RNLS: variants seen among roughly 807,000 people sequenced by gnomAD.
RNLS encodes the protein renalase, FAD dependent amine oxidase, also known as renalase.
Under a neutral mutation model 39.8 loss-of-function variants are expected in RNLS, and 39 were observed. That is an observed-to-expected ratio of 0.98 (90% CI 0.76 to 1.28). RNLS has a LOEUF of 1.28. Among genes scored for constraint, RNLS ranks in the 50% most tolerant of loss-of-function variants. The pLI, the probability that RNLS is intolerant of heterozygous loss-of-function variation, is 0.00. For synonymous variants in RNLS, 147 were observed against 150.7 expected (o/e 0.98, Z 0.18); for missense variants, 410 against 413.3 (o/e 0.99, Z 0.07).
At chr10:88,517,303 T>TA (rs1292944175) in intron 4 of RNLS, among the ~76,000 whole-genome samples, 1 of 151,942 alleles carries the variant, frequency 6.6e-6, no homozygotes, top group Non-Finnish European at 1.5e-5. Context: ...TTTCATTTTT[T>TA]ACCACATACT....
Position 88,469,946 on chromosome 10 carries a change from A to G in RNLS, c.526+102957T>C, listed in dbSNP as rs1843426650. On this transcript the variant is annotated intron_variant, in intron 4 of 6. Transcript: ENST00000331772. ...TATATACAAAGTATATGTATATAGTATCTTATACATATACATATGTATATC... is the reference window on the plus strand; with the variant it reads ...TATATACAAAGTATATGTATATAGTGTCTTATACATATACATATGTATATC... Among the ~76,000 whole-genome samples the G allele has an allele frequency of 2.6e-5, 4 of 151,492 alleles. No individual in the cohort carries two copies. The Admixed American group carries it at 2.6e-4, about 10-fold the overall frequency.
At position 88,506,136 on chromosome 10, in the gene RNLS, T is replaced by G. The variant is rs1411744913; in HGVS notation, c.526+66767A>C. Among the ~76,000 whole-genome samples, 3 of 152,076 alleles carry G rather than the reference T, an allele frequency of 2.0e-5. 1 individual carries two copies. Among genetic ancestry groups the G allele is most frequent in the Non-Finnish European group, 4.4e-5 (3 of 68,000 alleles). On this transcript the variant is annotated intron_variant, in intron 4 of 6. Transcript: ENST00000331772. The stretch of plus-strand genomic sequence containing the variant: ...AGGAAACAGTGAGACAAATCCAGAC[T>G]TTCATATATATTCTACTGACCTGAA...
chr10:88,247,847 T>C, the RNLS span, among the ~76,000 whole-genome samples: 1 of 152,154 alleles, frequency 6.6e-6, no homozygotes, highest in Non-Finnish European at 1.5e-5. Flanking sequence ...AGTGATGAGA[T>C]ATGAGAAAGA....
In RNLS at chr10:88,542,979, TG is replaced by T. The variant is rs1292743675; in HGVS notation, c.526+29923del. Among the ~76,000 whole-genome samples, 4 of 152,184 alleles carry T rather than the reference TG, an allele frequency of 2.6e-5. No homozygotes were observed. The East Asian group carries it at 7.7e-4, about 29-fold the overall frequency. On this transcript the variant is annotated intron_variant, in intron 4 of 6. Coordinates refer to ENST00000331772, the MANE Select transcript of RNLS (RefSeq NM_001031709.3). ...AATGAGGACAAAGTTACCAGTAAAC[TG>T]AGGCAACCTCTAGTTGGTAACACAG... is the stretch of plus-strand genomic sequence containing the variant.
intron 4 of RNLS, among the ~76,000 whole-genome samples, chr10:88,564,659 A>G (rs1849395618): frequency 6.6e-6 from 1 of 152,324 alleles, no homozygotes; most frequent in Non-Finnish European, 1.5e-5. Flanking sequence ...AATTGAGACA[A>G]TAATAATGCC....
At chr10:88,485,920 T>C (rs140009096) in intron 4 of RNLS, among the ~76,000 whole-genome samples, 1 of 152,192 alleles carries the variant, frequency 6.6e-6, no homozygotes, top group Non-Finnish European at 1.5e-5. Flanking sequence ...TAAAGTAACC[T>C]AGTCATTAAC....
At chr10:88,361,623 A>AT (rs1849649146) in intron 5 of RNLS, among the ~76,000 whole-genome samples, 1 of 152,162 alleles carries the variant, frequency 6.6e-6, no homozygotes, top group African/African-American at 2.4e-5. Context: ...TAAAAGAAAC[A>AT]TTTTTCTAAG....
chr10:88,523,182 T>A (rs1846864283), intron 4 of RNLS, among the ~76,000 whole-genome samples: 1 of 152,146 alleles, frequency 6.6e-6, no homozygotes, highest in South Asian at 2.1e-4. Context: ...AAGAGTCATT[T>A]TTCTCAAGAT....
chr10:88,285,437 C>T lies in RNLS; in HGVS notation c.946G>A (p.Gly316Arg), dbSNP rs746693474. 16 of 1,613,342 alleles carry T rather than the reference C, an allele frequency of 9.9e-6. No individual in the cohort carries two copies. The highest frequency in any genetic ancestry group is 1.7e-4 in the Middle Eastern group (1 of 6,054). Residue 316 changes from glycine (G) to arginine (R), a missense_variant, in exon 7 of 7, where the codon GGG becomes AGG. Gly to Arg is a moderately radical substitution (Grantham distance 125). Transcript: ENST00000331772. Reference sequence around the variant, plus strand: ...AAGTTGGACTGAGTAAATCCATCCCCTCCACATGCAAGGAAAGGTTTGTGA... The same window carrying T: ...AAGTTGGACTGAGTAAATCCATCCCTTCCACATGCAAGGAAAGGTTTGTGA... ...LHHKPFLACGGDGFTQSNFDG... is the reference protein window; with the variant it reads ...LHHKPFLACGRDGFTQSNFDG...
At position 88,420,011 on chromosome 10, in the gene RNLS, AAAATAAATAAAT is replaced by A. The variant is rs57637078; in HGVS notation, c.527-57298_527-57287del. On this transcript the variant is annotated intron_variant, in intron 4 of 6. Coordinates refer to ENST00000331772, the MANE Select transcript of RNLS (RefSeq NM_001031709.3). ...GGCAACAAGTGTGAAACTCCATCTC[AAAATAAATAAAT>A]AAATAAATAAATAAATAAATAAATA... 2.7e-3 allele frequency among the ~76,000 whole-genome samples: 358 copies of A among 134,780 alleles called. 3 individuals are homozygous for A. The highest frequency in any genetic ancestry group is 6.5e-3 in the African/African-American group (234 of 36,170). 88.4% of individuals were successfully genotyped at this position (134,780 alleles called of 152,430 possible).
chr10:88,571,103 C>T (rs888102052), intron 4 of RNLS, among the ~76,000 whole-genome samples: 1 of 151,596 alleles, frequency 6.6e-6, no homozygotes, highest in Non-Finnish European at 1.5e-5. Context: ...CCGCCTCAGC[C>T]TTTTGAGTAA....
chr10:88,475,375 A>G (rs1207028538), intron 4 of RNLS, among the ~76,000 whole-genome samples: 3 of 152,160 alleles, frequency 2.0e-5, no homozygotes, highest in African/African-American at 7.2e-5. Flanking sequence ...AAATGAAGCA[A>G]TCTTCTCCCT....
chr10:88,533,936 G>A (rs1157844989), intron 4 of RNLS, among the ~76,000 whole-genome samples: 4 of 152,094 alleles, frequency 2.6e-5, no homozygotes, highest in Non-Finnish European at 4.4e-5. Flanking sequence ...AGGGAGCAAC[G>A]AAAACGAAGG....
chr10:88,540,533 G>A (rs952923527), intron 4 of RNLS, among the ~76,000 whole-genome samples: 1 of 152,040 alleles, frequency 6.6e-6, no homozygotes, highest in Non-Finnish European at 1.5e-5. Context: ...AAATAGTTCT[G>A]GAAGAGTCAA....
At chr10:88,172,842 G>GTTTTTTTGTTTTTTTTTT in the RNLS span, among the ~76,000 whole-genome samples, 10 of 43,772 alleles carry the variant, frequency 2.3e-4, no homozygotes, top group Non-Finnish European at 2.6e-4. Context: ...ATTTTGAGTT[G>GTTTTTTTGTTTTTTTTTT]TTTTTTTTTT....
At chr10:88,466,155 T>C (rs1278551634) in intron 4 of RNLS, among the ~76,000 whole-genome samples, 3 of 152,100 alleles carry the variant, frequency 2.0e-5, no homozygotes, top group African/African-American at 7.2e-5. Context: ...GTGGGAAGTC[T>C]GATTGTCCTG....
chr10:88,362,662 C>T lies in RNLS; in HGVS notation c.590G>A (p.Gly197Asp), dbSNP rs1009913297. Residue 197 changes from glycine (G) to aspartate (D), a missense_variant, in exon 5 of 7, where the codon GGC becomes GAC. Transcript: ENST00000331772. ...AVSYSSRYAL[G>D]LFYEAGTKID... The stretch of plus-strand genomic sequence containing the variant: ...CTTCGTACCAGCTTCATAAAAGAGG[C>T]CCAGAGCATATCGAGAGGAGTAGCT... The T allele has an allele frequency of 5.0e-6, 8 of 1,613,934 alleles. No individual in the cohort carries two copies. Among genetic ancestry groups the T allele is most frequent in the East Asian group, 4.5e-5 (2 of 44,884 alleles).
downstream of RNLS, among the ~76,000 whole-genome samples, chr10:88,281,258 T>C (rs1330525649): frequency 6.6e-6 from 1 of 152,166 alleles, no homozygotes; most frequent in African/African-American, 2.4e-5. Context: ...CAGTTTGGAT[T>C]CTGAAGTCAG....
At chr10:88,250,511 A>T in the RNLS span, among the ~76,000 whole-genome samples, 6 of 152,340 alleles carry the variant, frequency 3.9e-5, no homozygotes, top group South Asian at 1.2e-3. Context: ...GGGAGCATTT[A>T]CCATGTCTAC....
Sources: allele counts gnomAD v4.1 joint callset (sites outside exome capture counted in the v4.1 genomes callset), GRCh38; gene constraint gnomAD v4.1.1; transcripts MANE v1.5; gene names NCBI Gene and HGNC (gene_info 2026-07-23, HGNC 2026-07-21).